ADGRL2: variants seen among roughly 807,000 people sequenced by gnomAD.
ADGRL2 encodes adhesion G protein-coupled receptor L2.
In ADGRL2, 44 loss-of-function variants were observed where a neutral mutation model predicts 157.4. The ratio of observed to expected loss-of-function variants is 0.28; its 90% confidence interval spans 0.22 to 0.36. The LOEUF (loss-of-function observed/expected upper bound fraction) is 0.36, where lower values mean the gene tolerates loss of function less well. Among genes scored for constraint, ADGRL2 ranks in the 10% least tolerant of loss-of-function variants. ADGRL2 has a pLI of 1.00. For missense variants in ADGRL2, 1,510 were observed against 1,768.9 expected, an observed-to-expected ratio of 0.85 and a Z score of 2.63; for synonymous variants, 585 against 624.7, an observed-to-expected ratio of 0.94 and a Z score of 0.95.
At chr1:81,331,635 A>G (rs1661273604) in intron 1 of ADGRL2, among the ~76,000 whole-genome samples, 1 of 152,186 alleles carries the variant, frequency 6.6e-6, no homozygotes, top group Non-Finnish European at 1.5e-5. Context: ...GGAAACCACA[A>G]TGTGCATTGC....
At chr1:81,779,013 A>G (rs934109838) in intron 2 of ADGRL2, among the ~76,000 whole-genome samples, 1 of 152,128 alleles carries the variant, frequency 6.6e-6, no homozygotes, top group African/African-American at 2.4e-5. Context: ...ATCCTCAGTA[A>G]ATGCTATCTA....
intron 1 of ADGRL2, among the ~76,000 whole-genome samples, chr1:81,383,968 G>GAAA (rs2076391159): frequency 7.0e-6 from 1 of 141,998 alleles, no homozygotes; most frequent in Non-Finnish European, 1.6e-5. Context: ...AAAAAAAAAA[G>GAAA]AAAAGAAAAG....
intron 3 of ADGRL2, among the ~76,000 whole-genome samples, chr1:81,633,130 G>A (rs1294511623): frequency 6.6e-6 from 1 of 152,114 alleles, no homozygotes; most frequent in Non-Finnish European, 1.5e-5. Flanking sequence ...AATATACAGA[G>A]AGAAACCGTG....
chr1:81,427,142 G>A (rs901948683), intron 1 of ADGRL2: 155 of 1,204,152 alleles, frequency 1.3e-4, no homozygotes, highest in Non-Finnish European at 1.6e-4. Flanking sequence ...AGGTGGATCC[G>A]GCAATTTTAT....
At chr1:81,971,133 GTTTA>G (rs1312549830) in intron 16 of ADGRL2, among the ~76,000 whole-genome samples, 8 of 152,174 alleles carry the variant, frequency 5.3e-5, no homozygotes, top group East Asian at 1.9e-4. Context: ...TTCCAATTCT[GTTTA>G]TTTTTTTCCT....
chr1:81,901,318 GAAAA>G (rs145396519), intron 2 of ADGRL2, among the ~76,000 whole-genome samples: 1 of 150,366 alleles, frequency 6.7e-6, no homozygotes, highest in Admixed American at 6.6e-5. Flanking sequence ...CGTAGTCAGA[GAAAA>G]AAAAACTATT....
chr1:81,742,984 A>C (rs2085120474), intron 1 of ADGRL2, among the ~76,000 whole-genome samples: 1 of 151,988 alleles, frequency 6.6e-6, no homozygotes, highest in South Asian at 2.1e-4. Context: ...AGATTTGCAG[A>C]AGCATCTTAA....
At chr1:81,473,608 G>A (rs1323106398) in intron 2 of ADGRL2, among the ~76,000 whole-genome samples, 1 of 152,142 alleles carries the variant, frequency 6.6e-6, no homozygotes, top group East Asian at 1.9e-4. Context: ...GCACCATTCA[G>A]AAGGGCTTTG....
At chr1:81,705,437 G>A (rs766416518) in intron 1 of ADGRL2, among the ~76,000 whole-genome samples, 43 of 152,034 alleles carry the variant, frequency 2.8e-4, no homozygotes, top group African/African-American at 4.3e-4. Flanking sequence ...TAGTGGAGAC[G>A]GGGTTTCACC....
At chr1:81,591,329 TA>T (rs1374153319) in intron 3 of ADGRL2, among the ~76,000 whole-genome samples, 1 of 152,180 alleles carries the variant, frequency 6.6e-6, no homozygotes, top group Non-Finnish European at 1.5e-5. Context: ...TTCAGAGTCC[TA>T]AATTTTGCAC....
chr1:81,673,739 G>A (rs149710284), intron 3 of ADGRL2, among the ~76,000 whole-genome samples: 3,294 of 151,980 alleles, frequency 0.022, 114 homozygotes, highest in African/African-American at 0.075. Flanking sequence ...GGATGGTCTC[G>A]ATCTCCTGAC....
intron 3 of ADGRL2, among the ~76,000 whole-genome samples, chr1:81,670,681 G>A (rs934137031): frequency 3.3e-5 from 5 of 152,178 alleles, no homozygotes; most frequent in Non-Finnish European, 5.9e-5. Context: ...CCAAACATTC[G>A]AAAAGACTCT....
At chr1:81,579,593 A>T (rs746215326) in intron 2 of ADGRL2, among the ~76,000 whole-genome samples, 1 of 152,208 alleles carries the variant, frequency 6.6e-6, no homozygotes, top group Non-Finnish European at 1.5e-5. Flanking sequence ...TGTATAAAAT[A>T]TAAACAGCAT....
At chr1:81,709,383 C>G (rs2083849138) in intron 1 of ADGRL2, among the ~76,000 whole-genome samples, 1 of 152,110 alleles carries the variant, frequency 6.6e-6, no homozygotes, top group South Asian at 2.1e-4. Context: ...CTGCAAGAGA[C>G]TATCTCCTCT....
At chr1:81,355,247 T>C (rs1484807543) in intron 1 of ADGRL2, among the ~76,000 whole-genome samples, 2 of 152,008 alleles carry the variant, frequency 1.3e-5, no homozygotes, top group African/African-American at 2.4e-5. Flanking sequence ...TAGTCCCAGC[T>C]ACTCGGGAGG....
chr1:81,465,574 T>C (rs1241358831), intron 2 of ADGRL2, among the ~76,000 whole-genome samples: 1 of 152,152 alleles, frequency 6.6e-6, no homozygotes, highest in African/African-American at 2.4e-5. Flanking sequence ...ATTGAGATCA[T>C]AGTACAAAGT....
rs1366531010 is a variant in ADGRL2, at chr1:81,981,960, G to A, written c.3266G>A (p.Cys1089Tyr). The change falls in exon 19 of 24, where the codon TGT (cysteine) becomes TAT (tyrosine). Residue 1089 changes from cysteine (C) to tyrosine (Y), a missense_variant. Cys to Tyr is a radical substitution (Grantham distance 194). Transcript: ENST00000686636. The part of the protein sequence containing the change: ...FQGVFIFIFH[C>Y]ALQKKVRKEY... ...GGAGTGTTCATTTTCATCTTTCACT[G>A]TGCTCTCCAAAAGAAAGTAAGTAAT... The A allele has an allele frequency of 1.2e-6, 2 of 1,611,270 alleles. No homozygotes were observed. Among genetic ancestry groups the A allele is most frequent in the Non-Finnish European group, 1.7e-6 (2 of 1,178,628 alleles).
At chr1:81,526,264 G>A (rs1346592042) in intron 2 of ADGRL2, among the ~76,000 whole-genome samples, 2 of 152,114 alleles carry the variant, frequency 1.3e-5, no homozygotes, top group South Asian at 2.1e-4. Context: ...GAACCTATGG[G>A]AATTAATGTC....
intron 1 of ADGRL2, among the ~76,000 whole-genome samples, chr1:81,724,252 A>G (rs188706020): frequency 1.3e-5 from 2 of 152,278 alleles, no homozygotes; most frequent in East Asian, 3.9e-4. Flanking sequence ...GTCATATCAA[A>G]AGACACTGGA....
Sources: allele counts gnomAD v4.1 joint callset (sites outside exome capture counted in the v4.1 genomes callset), GRCh38; gene constraint gnomAD v4.1.1; transcripts MANE v1.5; gene names NCBI Gene and HGNC (gene_info 2026-07-23, HGNC 2026-07-21).